The following GLI3 variants were observed in gnomAD, a reference collection of about 807,000 sequenced individuals.
GLI3 encodes GLI family zinc finger 3, also known as transcription activator GLI3.
A neutral mutation model predicts 100.8 loss-of-function variants in GLI3; 20 were observed. The ratio of observed to expected loss-of-function variants is 0.20; its 90% CI spans 0.14 to 0.29. GLI3 has a LOEUF of 0.29. Ranked by LOEUF, GLI3 falls within the 10% of genes least tolerant of loss-of-function variation. The pLI is 1.00. For missense variants in GLI3, 2,040 were observed against 2,128.5 expected (o/e 0.96, Z 0.82); for synonymous variants, 938 against 860.5 (o/e 1.09, Z -1.58).
intron 13 of GLI3, among the ~76,000 whole-genome samples, chr7:41,968,783 A>AAAGAAAGAAAGAAG (rs1562662155): frequency 3.2e-4 from 44 of 137,582 alleles, no homozygotes; most frequent in African/African-American, 1.2e-3. Context: ...AAAGAAAGAA[A>AAAGAAAGAAAGAAG]GAAAGAAAGA....
upstream of GLI3, among the ~76,000 whole-genome samples, chr7:42,239,169 G>GA (rs376105462): frequency 6.6e-5 from 10 of 152,236 alleles, no homozygotes; most frequent in African/African-American, 2.4e-4. Flanking sequence ...CACGGCTCAG[G>GA]AAAAAACAAA....
intron 2 of GLI3, among the ~76,000 whole-genome samples, chr7:42,202,356 A>T (rs879820927): frequency 0.087 from 12,538 of 144,760 alleles, 611 homozygotes; most frequent in African/African-American, 0.16. Flanking sequence ...TCACACACAC[A>T]CACACACACA....
At chr7:41,979,115 C>T (rs1787586685) in intron 10 of GLI3, among the ~76,000 whole-genome samples, 1 of 152,172 alleles carries the variant, frequency 6.6e-6, no homozygotes, top group African/African-American at 2.4e-5. Context: ...GTCATTTTTC[C>T]TTGCCAAGGC....
At chr7:41,967,361 A>G (rs897965202) in intron 14 of GLI3, among the ~76,000 whole-genome samples, 10 of 152,136 alleles carry the variant, frequency 6.6e-5, no homozygotes, top group African/African-American at 2.4e-4. Context: ...TGATTTCACC[A>G]TCAGAATATG....
intron 2 of GLI3, among the ~76,000 whole-genome samples, chr7:42,201,009 C>T (rs1252995509): frequency 2.0e-5 from 3 of 152,096 alleles, no homozygotes; most frequent in South Asian, 4.2e-4. Flanking sequence ...CCTTATCCTC[C>T]ACAGATACAT....
chr7:41,971,450 CTTG>C (rs1179437252), intron 13 of GLI3, among the ~76,000 whole-genome samples: 2 of 152,168 alleles, frequency 1.3e-5, no homozygotes. Flanking sequence ...CTTAATTTTT[CTTG>C]TTGTCTTTGA....
intron 10 of GLI3, among the ~76,000 whole-genome samples, chr7:41,983,032 C>G (rs1386421141): frequency 1.3e-5 from 2 of 152,200 alleles, no homozygotes; most frequent in Non-Finnish European, 2.9e-5. Context: ...ATGTGGAAAA[C>G]TTTCACGTGT....
chr7:42,093,713 G>A (rs1327781257), intron 3 of GLI3, among the ~76,000 whole-genome samples: 1 of 152,116 alleles, frequency 6.6e-6, no homozygotes, highest in Non-Finnish European at 1.5e-5. Context: ...GTCATGAAGA[G>A]TAATTAAATG....
rs536474417 is a variant in GLI3 at position 42,111,661 on chromosome 7, C to T, written c.368-34804G>A. 4.0e-4 allele frequency among the ~76,000 whole-genome samples: 61 copies of T among 152,268 alleles called. No individual in the cohort carries two copies. In the Middle Eastern group the frequency reaches 0.01, roughly 25 times the overall value. Reference sequence around the variant, plus strand: ...CCAATATCAGGTGCATGAGACACAGCAACAAGAAATAAAGTTCTAGAGCAC... The same window carrying T: ...CCAATATCAGGTGCATGAGACACAGTAACAAGAAATAAAGTTCTAGAGCAC... On this transcript the variant is annotated intron_variant, in intron 3 of 14. Transcript: ENST00000395925.
intron 3 of GLI3, among the ~76,000 whole-genome samples, chr7:42,090,611 A>G (rs1562723584): frequency 6.6e-6 from 1 of 152,196 alleles, no homozygotes; most frequent in Non-Finnish European, 1.5e-5. Flanking sequence ...GCCCTCAAGC[A>G]TTCTCTGATC....
At chr7:42,095,581 T>C (rs918928103) in intron 3 of GLI3, among the ~76,000 whole-genome samples, 1 of 151,178 alleles carries the variant, frequency 6.6e-6, no homozygotes, top group African/African-American at 2.4e-5. Context: ...ACACAGGAGA[T>C]GGGTGAGAAG....
intron 7 of GLI3, among the ~76,000 whole-genome samples, chr7:42,029,390 C>A (rs925915815): frequency 6.6e-6 from 1 of 152,166 alleles, no homozygotes; most frequent in African/African-American, 2.4e-5. Context: ...AGAGGACGGG[C>A]GATGACTGGG....
At chr7:42,239,691 A>C (rs552957670), upstream of GLI3, among the ~76,000 whole-genome samples, 144 of 152,320 alleles carry the variant, frequency 9.5e-4, no homozygotes, top group African/African-American at 3.3e-3. Flanking sequence ...TTCAGTTCTT[A>C]AAAGACAAGA....
chr7:42,148,166 C>A (rs965449554), intron 3 of GLI3, 60 bp downstream of exon 3: 2 of 1,544,582 alleles, frequency 1.3e-6, no homozygotes, highest in Non-Finnish European at 1.8e-6. Flanking sequence ...CACACACACA[C>A]ACACACACAC....
intron 2 of GLI3, among the ~76,000 whole-genome samples, chr7:42,198,597 G>A (rs1019952853): frequency 6.6e-6 from 1 of 152,144 alleles, no homozygotes; most frequent in African/African-American, 2.4e-5. Context: ...AGGTGGTTTG[G>A]CAAGACCTGG....
chr7:42,222,869 C>T, intron 2 of GLI3: 1 of 425,936 alleles, frequency 2.3e-6, no homozygotes, highest in Non-Finnish European at 4.4e-6. Context: ...AATGCCAAAA[C>T]AGGAACTTCT....
intron 3 of GLI3, among the ~76,000 whole-genome samples, chr7:42,122,657 G>C (rs769671611): frequency 1.8e-4 from 28 of 152,134 alleles, no homozygotes; most frequent in Non-Finnish European, 3.5e-4. Context: ...AATCACATCT[G>C]ATTTTCCTCC....
At chr7:42,221,213 C>T (rs1202161107) in intron 2 of GLI3, among the ~76,000 whole-genome samples, 3 of 152,128 alleles carry the variant, frequency 2.0e-5, no homozygotes, top group Non-Finnish European at 4.4e-5. Context: ...GAGGGAAACC[C>T]GAGGTCCAAG....
intron 4 of GLI3, among the ~76,000 whole-genome samples, chr7:42,074,123 G>T (rs552358364): frequency 6.6e-6 from 1 of 152,286 alleles, no homozygotes; most frequent in African/African-American, 2.4e-5. Flanking sequence ...CCCACTGCCT[G>T]GAATGCCAAC....
Sources: gnomAD v4.1 joint callset for allele counts (sites outside exome capture counted in the v4.1 genomes callset) on GRCh38, gnomAD v4.1.1 for gene constraint, MANE v1.5 for transcripts, NCBI Gene and HGNC (gene_info 2026-07-23, HGNC 2026-07-21) for gene names.